KDM2B: variants seen among roughly 807,000 people sequenced by gnomAD.
KDM2B encodes the protein lysine demethylase 2B, also known as lysine-specific demethylase 2B.
A neutral mutation model predicts 150.0 loss-of-function variants in KDM2B; 26 were observed. That is an observed-to-expected ratio of 0.17 (90% confidence interval 0.13 to 0.24). KDM2B has a LOEUF of 0.24. Among genes scored for constraint, KDM2B ranks in the 10% least tolerant of loss-of-function variants. The pLI is 1.00. For missense variants in KDM2B, 1,265 were observed against 1,816.9 expected (o/e 0.70, Z 5.52); for synonymous variants, 734 against 729.5 (o/e 1.01, Z -0.10).
intron 22 of KDM2B, among the ~76,000 whole-genome samples, chr12:121,434,688 T>C (rs1256859756): frequency 2.0e-5 from 3 of 152,100 alleles, no homozygotes; most frequent in African/African-American, 7.2e-5. Context: ...CCGTGCGTGA[T>C]GGCTCATGCC....
In KDM2B at chr12:121,578,965, G is replaced by A. The variant is rs1555317399; in HGVS notation, c.127-19C>T. ...TCGGGCGCTGCGAGGACCCAAACCA[G>A]AGAGCCCGGGACATTATTGTGGGGG... is the stretch of plus-strand genomic sequence containing the variant. On this transcript the variant is annotated intron_variant, in intron 1 of 22. Coordinates refer to ENST00000377071, the MANE Select transcript of KDM2B (RefSeq NM_032590.5). 1 of 1,608,438 alleles carries A rather than the reference G, an allele frequency of 6.2e-7. No homozygotes were observed. The highest frequency in any genetic ancestry group is 8.5e-7 in the Non-Finnish European group (1 of 1,178,272).
rs782318328 is a variant in KDM2B at position 121,430,007 on chromosome 12, G to A, written c.*281C>T. ...CATGCTTCAGTATGAGAATTTCTCC[G>A]AAGTCCACCCTCCTCTCCGACAGGA... On this transcript the variant is annotated 3_prime_UTR_variant, in exon 23 of 23. Transcript: ENST00000377071. The surrounding 1 kb of genome is among the most constrained non-coding windows in gnomAD (Gnocchi z 4.4). 4.1e-5 allele frequency: 40 copies of A among 970,674 alleles called. No individual in the cohort carries two copies. Among genetic ancestry groups the A allele is most frequent in the Middle Eastern group, 4.1e-4 (2 of 4,834 alleles). The allele number at this position is 970,674 out of a possible 1,614,324, so 60.1% of individuals were successfully genotyped here. A position where few individuals can be genotyped will look rare whatever the true frequency, so the allele number is the denominator to read the frequency against.
chr12:121,429,677 A>G lies in KDM2B; in HGVS notation c.*611T>C. The G allele has an allele frequency of 3.2e-6, 1 of 314,336 alleles. No homozygotes were observed. Among genetic ancestry groups the G allele is most frequent in the Non-Finnish European group, 5.8e-6 (1 of 171,006 alleles). 19.5% of individuals were successfully genotyped at this position (314,336 alleles called of 1,614,324 possible). On this transcript the variant is annotated 3_prime_UTR_variant, in exon 23 of 23. Transcript: ENST00000377071. ...TTGTTAGATCTGGGCACATTTGTAG[A>G]TGGGTTGTGTCGATGAAGTACACGT...
At chr12:121,508,384 C>A (rs1181598143) in intron 11 of KDM2B, among the ~76,000 whole-genome samples, 3 of 152,202 alleles carry the variant, frequency 2.0e-5, no homozygotes, top group African/African-American at 7.2e-5. Context: ...CCGTGCCTGG[C>A]CCGCACCCAG....
rs1236480383 is a variant in KDM2B at position 121,468,948 on chromosome 12, G to C, written c.1735-15604C>G. ...GACTCTCACTCTGTCGCCCAGGCTG[G>C]AGTGCAGTGGATCTCGGCTCACTGC... On this transcript the variant is annotated intron_variant, in intron 12 of 22. Transcript: ENST00000377071. This position sits in a 1 kb window ranked among gnomAD's most constrained non-coding sequence, Gnocchi z 4.0. The C allele has an allele frequency of 1.3e-5, 2 of 152,134 alleles. No individual in the cohort carries two copies. Among genetic ancestry groups the C allele is most frequent in the Non-Finnish European group, 1.5e-5 (1 of 68,064 alleles). The allele number at this position is 152,134 out of a possible 1,614,324, so 9.4% of individuals were successfully genotyped here. A position where few individuals can be genotyped will look rare whatever the true frequency, so the allele number is the denominator to read the frequency against.
chr12:121,551,564 G>A (rs1889497044), intron 4 of KDM2B, among the ~76,000 whole-genome samples: 1 of 151,536 alleles, frequency 6.6e-6, no homozygotes, highest in African/African-American at 2.4e-5. Context: ...TTGGTTGGTT[G>A]GTTTTTGAGA....
In KDM2B at chr12:121,452,526, G is replaced by A. The variant is rs1877466667; in HGVS notation, c.1959+594C>T. On this transcript the variant is annotated intron_variant, in intron 13 of 22. Transcript: ENST00000377071. The surrounding 1 kb of genome is among the most constrained non-coding windows in gnomAD (Gnocchi z 4.4). ...GGACCGCCGGCCCCCGGGGAGCAGC[G>A]CCCTGAGGAAGGCAGAGCATGTGGG... Among the ~76,000 whole-genome samples the A allele has an allele frequency of 1.3e-5, 2 of 152,230 alleles. No individual in the cohort carries two copies. The highest frequency in any genetic ancestry group is 4.8e-5 in the African/African-American group (2 of 41,464).
intron 8 of KDM2B, among the ~76,000 whole-genome samples, chr12:121,527,358 T>C (rs1887231172): frequency 8.6e-4 from 1 of 1,166 alleles, no homozygotes; most frequent in African/African-American, 4.2e-3. Flanking sequence ...TAAAAAAAAA[T>C]TGTTTAAAAA....
intron 10 of KDM2B, 22 bp from the exon 11 acceptor site, chr12:121,510,061 A>C (rs782197209): frequency 1.5e-5 from 23 of 1,519,670 alleles, no homozygotes; most frequent in Admixed American, 2.2e-5. Flanking sequence ...GGGTCACAAG[A>C]AAGACCGAGA....
chr12:121,436,460 G>A (rs1399840589), intron 22 of KDM2B, among the ~76,000 whole-genome samples: 5 of 151,458 alleles, frequency 3.3e-5, no homozygotes, highest in Admixed American at 6.6e-5. Flanking sequence ...GGCGGAGCTT[G>A]TAGTGAGCCG....
At chr12:121,476,219 C>A (rs201350578) in intron 12 of KDM2B, among the ~76,000 whole-genome samples, 1 of 151,754 alleles carries the variant, frequency 6.6e-6, no homozygotes, top group Non-Finnish European at 1.5e-5. Context: ...CACTCAAACC[C>A]GGGAGGCGGA....
chr12:121,475,295 C>G (rs1355098618), intron 12 of KDM2B, among the ~76,000 whole-genome samples: 1 of 149,930 alleles, frequency 6.7e-6, no homozygotes, highest in Non-Finnish European at 1.5e-5. Context: ...AAAAACTATA[C>G]CAAAACTTGG....
At chr12:121,579,772 C>T in intron 1 of KDM2B, 1 of 1,384,990 alleles carries the variant, frequency 7.2e-7, no homozygotes, top group South Asian at 1.3e-5. Context: ...CTCAGCCCCC[C>T]TCCACGCCTT....
At position 121,445,379 on chromosome 12, in the gene KDM2B, C is replaced by T. The variant is rs782635516; in HGVS notation, c.1999G>A (p.Glu667Lys). 1.2e-5 allele frequency: 19 copies of T among 1,609,968 alleles called. No individual in the cohort carries two copies. Among genetic ancestry groups the T allele is most frequent in the South Asian group, 2.2e-5 (2 of 90,402 alleles). The change falls in exon 14 of 23, where the codon GAG becomes AAG. Residue 667 changes from glutamate to lysine, a missense_variant. By Grantham distance (56) the Glu-to-Lys change is moderately conservative (BLOSUM62 1). Around this residue, in one of 11 missense-constraint regions of KDM2B, gnomAD observed 30 missense variants for 32.0 expected, o/e 0.94. Coordinates refer to ENST00000377071, the MANE Select transcript of KDM2B (RefSeq NM_032590.5). ...PHTAVCLVCGEAGKEDTVEEE... is the reference protein window; with the variant it reads ...PHTAVCLVCGKAGKEDTVEEE... ...TCCACCGTGTCTTCCTTCCCCGCCT[C>T]GCCACACACAAGGCACACGGCGGTG...
At chr12:121,427,560 G>A (rs1555284418), downstream of KDM2B, among the ~76,000 whole-genome samples, 1 of 152,096 alleles carries the variant, frequency 6.6e-6, no homozygotes, top group Non-Finnish European at 1.5e-5. Context: ...AAATAAAATA[G>A]GTCTGTACAG....
intron 14 of KDM2B, chr12:121,444,761 C>A (rs569219258): frequency 1.7e-4 from 97 of 584,986 alleles, no homozygotes; most frequent in Non-Finnish European, 2.7e-4. Flanking sequence ...TTCTCTGGGA[C>A]CCTGGGCAAG....
intron 12 of KDM2B, among the ~76,000 whole-genome samples, chr12:121,465,964 C>T (rs1555294691): frequency 1.3e-5 from 2 of 152,156 alleles, no homozygotes; most frequent in Non-Finnish European, 2.9e-5. Context: ...TTAATCCAAT[C>T]CGAAAGAGCC....
the KDM2B span, chr12:121,416,149 T>A: frequency 5.0e-6 from 8 of 1,612,020 alleles, no homozygotes; most frequent in Non-Finnish European, 5.9e-6. Flanking sequence ...GGATTTGTGT[T>A]CCTTTTTAGG....
At position 121,513,078 on chromosome 12, in the gene KDM2B, G is replaced by A. The variant is rs1476540951; in HGVS notation, c.1174+198C>T. ...ACACACGTGACTCTTTTGGGGATCC[G>A]AATTCATTTTCTTGGACTCTGTATT... On this transcript the variant is annotated intron_variant, in intron 10 of 22. Coordinates refer to ENST00000377071, the MANE Select transcript of KDM2B (RefSeq NM_032590.5). The surrounding 1 kb of genome is among the most constrained non-coding windows in gnomAD (Gnocchi z 5.0). 6.6e-6 allele frequency among the ~76,000 whole-genome samples: 1 copy of A among 152,248 alleles called. No homozygotes were observed. The highest frequency in any genetic ancestry group is 1.5e-5 in the Non-Finnish European group (1 of 68,048).
Sources: gnomAD v4.1 joint callset for allele counts (sites outside exome capture counted in the v4.1 genomes callset) on GRCh38, gnomAD v4.1.1 for gene constraint, gnomAD v4.1.1 regional missense constraint, Gnocchi (gnomAD v3.1) non-coding constraint, MANE v1.5 for transcripts, NCBI Gene and HGNC (gene_info 2026-07-23, HGNC 2026-07-21) for gene names.